CSPG5: variants seen among roughly 807,000 people sequenced by gnomAD.
CSPG5 encodes acidic leucine-rich EGF-like domain-containing brain protein.
CSPG5 carries 25 observed loss-of-function variants against 39.8 expected under a neutral mutation model. The ratio of observed to expected loss-of-function variants is 0.63; its 90% CI spans 0.46 to 0.88. The LOEUF (loss-of-function observed/expected upper bound fraction) is 0.88. Among genes scored for constraint, CSPG5 ranks in the 40% least tolerant of loss-of-function variants. The pLI is 0.00. For missense variants in CSPG5, 627 were observed against 702.2 expected (o/e 0.89, Z 1.21); for synonymous variants, 295 against 303.9 (o/e 0.97, Z 0.31).
chr3:47,576,903 C>A lies in CSPG5; in HGVS notation c.1123G>T (p.Asp375Tyr). 6.2e-7 allele frequency: 1 copy of A among 1,606,586 alleles called. No homozygotes were observed. The highest frequency in any genetic ancestry group is 8.5e-7 in the Non-Finnish European group (1 of 1,175,576). The change falls in exon 2 of 5, where the codon GAC (aspartate) becomes TAC (tyrosine). Residue 375 changes from aspartate to tyrosine, a missense_variant. Transcript: ENST00000264723. ...TTGTGACAGTAACTTGGGAAGAGGT[C>A]GCACACTGACCGGCAGGAGCCGTTA... ...RHNGSCRSVCDLFPSYCHNGG... is the reference protein window; with the variant it reads ...RHNGSCRSVCYLFPSYCHNGG...
chr3:47,568,568 C>T (rs1427144496), intron 4 of CSPG5, among the ~76,000 whole-genome samples: 1 of 152,182 alleles, frequency 6.6e-6, no homozygotes, highest in Non-Finnish European at 1.5e-5. Context: ...AGAAGTCTTT[C>T]CACCCATCCC....
chr3:47,567,402 C>T lies in CSPG5; in HGVS notation c.1458+1750G>A, dbSNP rs865857496. Among the ~76,000 whole-genome samples the T allele has an allele frequency of 1.1e-3, 164 of 152,178 alleles. 2 individuals carry two copies. The highest frequency in any genetic ancestry group is 3.5e-3 in the African/African-American group (147 of 41,532). The stretch of plus-strand genomic sequence containing the variant: ...GTGCTCACCGAGACTCTGTCCTGCC[C>T]TCTGTGGGTTGATGAACATGGTGAC... On this transcript the variant is annotated intron_variant, in intron 4 of 4. Coordinates refer to ENST00000264723, the MANE Select transcript of CSPG5 (RefSeq NM_006574.4).
In CSPG5 at chr3:47,576,813, C is replaced by T; in HGVS notation, c.1193+20G>A. 6.5e-7 allele frequency: 1 copy of T among 1,535,486 alleles called. No individual in the cohort carries two copies. The highest frequency in any genetic ancestry group is 8.8e-7 in the Non-Finnish European group (1 of 1,140,978). On this transcript the variant is annotated intron_variant, in intron 2 of 4. Coordinates refer to ENST00000264723, the MANE Select transcript of CSPG5 (RefSeq NM_006574.4). ...ATACACTCTTCAGTGTCCCTATGCA[C>T]CTGCCTGCCATGCCCTTACCTGCAG...
intron 3 of CSPG5, among the ~76,000 whole-genome samples, chr3:47,571,823 G>A (rs956661432): frequency 9.2e-5 from 14 of 152,308 alleles, no homozygotes; most frequent in African/African-American, 3.1e-4. Context: ...GGGTCCCAAG[G>A]AAGCTGAACT....
At chr3:47,579,645 C>T (rs1360779754), upstream of CSPG5, 1 of 152,204 alleles carries the variant, frequency 6.6e-6, no homozygotes, top group Non-Finnish European at 1.5e-5. The surrounding 1 kb of genome is among the most constrained non-coding windows in gnomAD (Gnocchi z 4.2). Flanking sequence ...TACGTCGTCC[C>T]CCAGGTGTCT....
chr3:47,564,676 C>T (rs933167111), intron 4 of CSPG5, among the ~76,000 whole-genome samples: 5 of 151,936 alleles, frequency 3.3e-5, no homozygotes, highest in South Asian at 4.2e-4. Flanking sequence ...TCTCCTGAGA[C>T]GGAAAGATCT....
chr3:47,578,257 G>T lies in CSPG5; in HGVS notation c.98-329C>A. The T allele has an allele frequency of 3.5e-6, 1 of 283,096 alleles. No homozygotes were observed. The highest frequency in any genetic ancestry group is 6.3e-5 in the East Asian group (1 of 15,980). The allele number at this position is 283,096 out of a possible 1,614,324, so 17.5% of individuals were successfully genotyped here. On this transcript the variant is annotated intron_variant, in intron 1 of 4. Transcript: ENST00000264723. The surrounding 1 kb of genome is among the most constrained non-coding windows in gnomAD (Gnocchi z 6.0). ...CCCTCGGGAACCCACCCTGAGCCGCGTCCACTGGCTCCCGCCCTCAGCTCC... is the reference window on the plus strand; with the variant it reads ...CCCTCGGGAACCCACCCTGAGCCGCTTCCACTGGCTCCCGCCCTCAGCTCC...
In CSPG5 at chr3:47,562,557, A is replaced by C. The variant is rs1576366362; in HGVS notation, c.*43T>G. The C allele has an allele frequency of 3.7e-6, 4 of 1,073,198 alleles. No homozygotes were observed. Among genetic ancestry groups the C allele is most frequent in the Non-Finnish European group, 5.7e-6 (4 of 707,494 alleles). The allele number at this position is 1,073,198 out of a possible 1,614,324, so 66.5% of individuals were successfully genotyped here. A position where few individuals can be genotyped will look rare whatever the true frequency, so the allele number is the denominator to read the frequency against. On this transcript the variant is annotated 3_prime_UTR_variant, in exon 5 of 5. Transcript: ENST00000264723. Reference sequence around the variant, plus strand: ...AAGAGGAGATAATGTTTCTTCCCCTACCCCCCACCCACTACCCCCGCTTCC... The same window carrying C: ...AAGAGGAGATAATGTTTCTTCCCCTCCCCCCCACCCACTACCCCCGCTTCC...
rs1259015024 is a variant in CSPG5 at position 47,577,432 on chromosome 3, G to A, written c.594C>T (p.Thr198=). Residue 198 remains threonine, a synonymous_variant, in exon 2 of 5, where the codon ACC becomes ACT. Transcript: ENST00000264723. This position sits in a 1 kb window ranked among gnomAD's most constrained non-coding sequence, Gnocchi z 4.7. ...GPELTYPFQG[T]LEPQPASDII... ...TATCTGATGCCGGTTGGGGCTCCAGGGTGCCCTGAAATGGGTAAGTCAGCT... is the reference window on the plus strand; with the variant it reads ...TATCTGATGCCGGTTGGGGCTCCAGAGTGCCCTGAAATGGGTAAGTCAGCT... 1.3e-5 allele frequency: 21 copies of A among 1,614,032 alleles called. No individual in the cohort carries two copies. The highest frequency in any genetic ancestry group is 1.8e-5 in the Non-Finnish European group (21 of 1,180,034).
intron 4 of CSPG5, among the ~76,000 whole-genome samples, chr3:47,563,102 G>A (rs1003438091): frequency 1.3e-5 from 2 of 152,196 alleles, no homozygotes; most frequent in African/African-American, 4.8e-5. Flanking sequence ...TGAGCTCTGC[G>A]GGGCCTGCTG....
At chr3:47,567,705 A>G (rs1341715845) in intron 4 of CSPG5, among the ~76,000 whole-genome samples, 2 of 152,054 alleles carry the variant, frequency 1.3e-5, no homozygotes, top group African/African-American at 4.8e-5. Context: ...TGGGGCTGCA[A>G]TTTCCCCATC....
Position 47,577,046 on chromosome 3 carries a change from T to C in CSPG5, c.980A>G (p.His327Arg), listed in dbSNP as rs768618490. Residue 327 changes from histidine to arginine, a missense_variant, in exon 2 of 5, where the codon CAC (histidine) becomes CGC (arginine). His to Arg is a conservative substitution (Grantham distance 29, BLOSUM62 0). Transcript: ENST00000264723. This position sits in a 1 kb window ranked among gnomAD's most constrained non-coding sequence, Gnocchi z 4.7. ...TSRWHAVPPQ[H>R]TLGSVPGSSI... ...GCTGCCGGGGACCGACCCCAGAGTG[T>C]GCTGTGGAGGGACAGCATGCCACCG... 6.2e-7 allele frequency: 1 copy of C among 1,613,534 alleles called. No individual in the cohort carries two copies. Among genetic ancestry groups the C allele is most frequent in the South Asian group, 1.1e-5 (1 of 91,046 alleles).
At chr3:47,576,193 T>G (rs2031722872) in intron 2 of CSPG5, among the ~76,000 whole-genome samples, 1 of 152,096 alleles carries the variant, frequency 6.6e-6, no homozygotes, top group Non-Finnish European at 1.5e-5. Context: ...CACCTCGGCC[T>G]CCCAAAGTGC....
chr3:47,569,603 CA>C (rs751431992), intron 3 of CSPG5, among the ~76,000 whole-genome samples: 141 of 129,182 alleles, frequency 1.1e-3, no homozygotes, highest in Middle Eastern at 4.2e-3. Context: ...GACTCCATCT[CA>C]AAAAAAAAAA....
Position 47,562,556 on chromosome 3 carries a change from T to G in CSPG5, c.*44A>C. On this transcript the variant is annotated 3_prime_UTR_variant, in exon 5 of 5. Coordinates refer to ENST00000264723, the MANE Select transcript of CSPG5 (RefSeq NM_006574.4). ...CAAGAGGAGATAATGTTTCTTCCCC[T>G]ACCCCCCACCCACTACCCCCGCTTC... 1.5e-4 allele frequency: 172 copies of G among 1,109,840 alleles called. No individual in the cohort carries two copies. Among genetic ancestry groups the G allele is most frequent in the Non-Finnish European group, 2.1e-4 (152 of 734,594 alleles). 68.7% of individuals were successfully genotyped at this position (1,109,840 alleles called of 1,614,324 possible).
Position 47,577,069 on chromosome 3 carries a change from C to G in CSPG5, c.957G>C (p.Arg319=). 1 of 1,613,662 alleles carries G rather than the reference C, an allele frequency of 6.2e-7. No individual in the cohort carries two copies. Among genetic ancestry groups the G allele is most frequent in the Non-Finnish European group, 8.5e-7 (1 of 1,179,998 alleles). Residue 319 remains arginine, a synonymous_variant, in exon 2 of 5, where the codon CGG becomes CGC. Coordinates refer to ENST00000264723, the MANE Select transcript of CSPG5 (RefSeq NM_006574.4). This position sits in a 1 kb window ranked among gnomAD's most constrained non-coding sequence, Gnocchi z 4.7. ...LGPGTGQPTS[R]WHAVPPQHTL... Reference sequence around the variant, plus strand: ...TGTGCTGTGGAGGGACAGCATGCCACCGACTGGTGGGCTGGCCTGTCCCGG... The same window carrying G: ...TGTGCTGTGGAGGGACAGCATGCCAGCGACTGGTGGGCTGGCCTGTCCCGG...
intron 2 of CSPG5, among the ~76,000 whole-genome samples, chr3:47,573,861 T>C (rs1235263346): frequency 2.0e-5 from 3 of 152,182 alleles, no homozygotes; most frequent in Non-Finnish European, 4.4e-5. Flanking sequence ...CTGTTTGAGG[T>C]TGCCAGGGAA....
intron 4 of CSPG5, among the ~76,000 whole-genome samples, chr3:47,563,635 A>C (rs938683324): frequency 6.7e-6 from 1 of 148,300 alleles, no homozygotes; most frequent in African/African-American, 2.5e-5. Context: ...GCTCACTGCA[A>C]TCTTGAACCT....
chr3:47,564,008 G>A (rs1418437785), intron 4 of CSPG5, among the ~76,000 whole-genome samples: 2 of 152,150 alleles, frequency 1.3e-5, no homozygotes. Flanking sequence ...AATTCAGTGG[G>A]CCTCAGTTCT....
Sources: allele counts gnomAD v4.1 joint callset (sites outside exome capture counted in the v4.1 genomes callset), GRCh38; gene constraint gnomAD v4.1.1; non-coding constraint Gnocchi (gnomAD v3.1); transcripts MANE v1.5; gene names NCBI Gene and HGNC (gene_info 2026-07-23, HGNC 2026-07-21).